LARP1: variants seen among roughly 807,000 people sequenced by gnomAD.
The protein encoded by LARP1 is La ribonucleoprotein 1, translational regulator, also known as la-related protein 1.
A neutral mutation model predicts 122.7 loss-of-function variants in LARP1; 36 were observed. The observed-to-expected ratio is 0.29, with a 90% CI of 0.22 to 0.39. The LOEUF (loss-of-function observed/expected upper bound fraction) is 0.39, where lower values mean the gene tolerates loss of function less well. LARP1 is among the 10% of genes least tolerant of loss of function. LARP1 has a pLI of 1.00. For synonymous variants in LARP1, 539 were observed against 528.7 expected (o/e 1.02, Z -0.27); for missense variants, 1,040 against 1,403.6 (o/e 0.74, Z 4.14).
rs371992197 is a variant in LARP1, at chr5:154,803,776, C to T, written c.2439+31C>T. On this transcript the variant is annotated intron_variant, in intron 13 of 18. Coordinates refer to ENST00000518297, the MANE Select transcript of LARP1 (RefSeq NM_033551.3). This position sits in a 1 kb window ranked among gnomAD's most constrained non-coding sequence, Gnocchi z 4.4. ...GCATTCCTGTCGGGCTGCTCAGAGTCTTGGGTCTACTTCATTGCATTCCAG... is the reference window on the plus strand; with the variant it reads ...GCATTCCTGTCGGGCTGCTCAGAGTTTTGGGTCTACTTCATTGCATTCCAG... The T allele has an allele frequency of 3.1e-5, 49 of 1,592,858 alleles. No homozygotes were observed. The African/African-American group carries it at 3.8e-4, about 12-fold the overall frequency.
At chr5:154,720,434 G>C (rs763553383) in intron 1 of LARP1, among the ~76,000 whole-genome samples, 3 of 152,152 alleles carry the variant, frequency 2.0e-5, no homozygotes, top group Non-Finnish European at 4.4e-5. Flanking sequence ...GAAAACAGAG[G>C]CTAGGTGTAG....
intron 1 of LARP1, among the ~76,000 whole-genome samples, chr5:154,724,807 C>T (rs562139842): frequency 5.3e-5 from 8 of 151,932 alleles, no homozygotes; most frequent in African/African-American, 1.9e-4. Flanking sequence ...GCTGAGACTA[C>T]AGGTGCACGC....
At chr5:154,754,324 A>C (rs185949233), upstream of LARP1, among the ~76,000 whole-genome samples, 1 of 152,192 alleles carries the variant, frequency 6.6e-6, no homozygotes, top group Non-Finnish European at 1.5e-5. Context: ...GAGGTCAGTA[A>C]GTATTGAATC....
At chr5:154,710,137 G>A (rs1284246378), upstream of LARP1, among the ~76,000 whole-genome samples, 1 of 152,080 alleles carries the variant, frequency 6.6e-6, no homozygotes, top group East Asian at 1.9e-4. Context: ...GTGGCTGCCC[G>A]CCGCTCACCT....
At chr5:154,690,801 G>C (rs1754161303) in intron 1 of LARP1, among the ~76,000 whole-genome samples, 1 of 152,238 alleles carries the variant, frequency 6.6e-6, no homozygotes, top group African/African-American at 2.4e-5. Context: ...GCGGGACAGG[G>C]CGCCTGGAGC....
rs536749993 is a variant in LARP1 at position 154,774,701 on chromosome 5, T to A, written c.437-15624T>A. 3.3e-5 allele frequency among the ~76,000 whole-genome samples: 5 copies of A among 152,274 alleles called. No homozygotes were observed. In the South Asian group the frequency reaches 1.0e-3, roughly 32 times the overall value. On this transcript the variant is annotated intron_variant, in intron 1 of 18. Transcript: ENST00000518297. ...TTCTCTGCTGTCCCTGCCCCAGGCC[T>A]TTTCTGCCCACATATCATCACTGCC...
intron 1 of LARP1, among the ~76,000 whole-genome samples, chr5:154,742,985 G>A (rs1029191794): frequency 3.9e-5 from 6 of 152,146 alleles, no homozygotes; most frequent in African/African-American, 1.2e-4. Context: ...CTTGTTCCAC[G>A]TCACATGAGT....
chr5:154,753,205 A>G (rs1753596920), upstream of LARP1, among the ~76,000 whole-genome samples: 1 of 152,190 alleles, frequency 6.6e-6, no homozygotes, highest in South Asian at 2.1e-4. Flanking sequence ...AACAACTAAC[A>G]ATAATAATTA....
chr5:154,690,635 T>C, intron 1 of LARP1, among the ~76,000 whole-genome samples: 1 of 152,124 alleles, frequency 6.6e-6, no homozygotes, highest in East Asian at 1.9e-4. Context: ...CCTGCCTGGG[T>C]GATATGGCTG....
At chr5:154,705,049 C>T (rs759326885) in intron 1 of LARP1, among the ~76,000 whole-genome samples, 6 of 140,710 alleles carry the variant, frequency 4.3e-5, no homozygotes, top group African/African-American at 1.6e-4. Flanking sequence ...ACCTAGGAGG[C>T]GGAGGTTGCA....
rs1758458691 is a variant in LARP1, at chr5:154,802,913, G to A, written c.2110-377G>A. Among the ~76,000 whole-genome samples the A allele has an allele frequency of 6.6e-6, 1 of 152,154 alleles. No individual in the cohort carries two copies. Among genetic ancestry groups the A allele is most frequent in the Non-Finnish European group, 1.5e-5 (1 of 68,020 alleles). On this transcript the variant is annotated intron_variant, in intron 11 of 18. Coordinates refer to ENST00000518297, the MANE Select transcript of LARP1 (RefSeq NM_033551.3). This position sits in a 1 kb window ranked among gnomAD's most constrained non-coding sequence, Gnocchi z 5.1. ...GAGCCTTTGTAATAAGTAGCAGTGTGTTTCCTGGAAGTAAGGAGGAAGGAG... is the reference window on the plus strand; with the variant it reads ...GAGCCTTTGTAATAAGTAGCAGTGTATTTCCTGGAAGTAAGGAGGAAGGAG...
chr5:154,774,827 T>G (rs1232619204), intron 1 of LARP1, among the ~76,000 whole-genome samples: 1 of 152,184 alleles, frequency 6.6e-6, no homozygotes, highest in Non-Finnish European at 1.5e-5. Flanking sequence ...GTCACTTCTT[T>G]TACAGAAAAC....
intron 16 of LARP1, 132 bp from the exon 17 acceptor site, chr5:154,811,115 C>T (rs1004820332): frequency 1.2e-5 from 8 of 656,988 alleles, no homozygotes; most frequent in East Asian, 2.8e-5. Flanking sequence ...ATTCTAAAAG[C>T]GTGTATGCTG....
chr5:154,706,740 A>C (rs912145388), intron 1 of LARP1, among the ~76,000 whole-genome samples: 2 of 152,088 alleles, frequency 1.3e-5, no homozygotes, highest in Non-Finnish European at 2.9e-5. Flanking sequence ...AAAAAAAAAA[A>C]CAAAAAACTT....
At chr5:154,713,308 A>T (rs1385779079) in intron 1 of LARP1, among the ~76,000 whole-genome samples, 2 of 152,178 alleles carry the variant, frequency 1.3e-5, no homozygotes, top group African/African-American at 4.8e-5. Context: ...AGGAGCTCAA[A>T]TTCCACTCTC....
At chr5:154,782,137 A>G (rs1160626452) in intron 1 of LARP1, among the ~76,000 whole-genome samples, 1 of 152,052 alleles carries the variant, frequency 6.6e-6, no homozygotes, top group Non-Finnish European at 1.5e-5. Flanking sequence ...CTTCAGTTTC[A>G]TTTTCTGGAC....
chr5:154,700,340 CATT>C (rs896639687), intron 1 of LARP1, among the ~76,000 whole-genome samples: 1 of 151,892 alleles, frequency 6.6e-6, no homozygotes, highest in African/African-American at 2.4e-5. Context: ...GTATTTGAGT[CATT>C]GTGTGTTTTT....
At chr5:154,764,320 A>AG (rs1754729730) in intron 1 of LARP1, among the ~76,000 whole-genome samples, 1 of 150,766 alleles carries the variant, frequency 6.6e-6, no homozygotes, top group African/African-American at 2.4e-5. Context: ...AAAAAAAAAA[A>AG]AAAAGCTGCA....
chr5:154,749,057 C>T (rs1188931903), intron 1 of LARP1, among the ~76,000 whole-genome samples: 2 of 152,116 alleles, frequency 1.3e-5, no homozygotes, highest in African/African-American at 4.8e-5. Flanking sequence ...AGGGTCTGTG[C>T]TGGAAGGCAG....
Sources: gnomAD v4.1 joint callset for allele counts (sites outside exome capture counted in the v4.1 genomes callset) on GRCh38, gnomAD v4.1.1 for gene constraint, Gnocchi (gnomAD v3.1) non-coding constraint, MANE v1.5 for transcripts, NCBI Gene and HGNC (gene_info 2026-07-23, HGNC 2026-07-21) for gene names.